The following PVT1 variants were observed in gnomAD, a reference collection of about 807,000 sequenced individuals.
PVT1 encodes the protein Pvt1 oncogene.
chr8:127,956,763 G>A (rs565495637), intron 3 of PVT1, among the ~76,000 whole-genome samples: 43 of 152,362 alleles, frequency 2.8e-4, no homozygotes, highest in South Asian at 6.2e-4. Flanking sequence ...GATTACAGGC[G>A]TGAGCCACTG....
intron 3 of PVT1, among the ~76,000 whole-genome samples, chr8:127,974,910 A>T (rs6470595): frequency 0.72 from 109,972 of 151,950 alleles, 40,001 homozygotes; most frequent in South Asian, 0.88. Flanking sequence ...ACTTTTTTTT[A>T]ATCCTAAAGC....
At chr8:128,087,741 G>A (rs1387565777) in intron 5 of PVT1, among the ~76,000 whole-genome samples, 2 of 137,784 alleles carry the variant, frequency 1.5e-5, no homozygotes, top group Non-Finnish European at 3.0e-5. Context: ...CATTCCTGAT[G>A]TGCTACTTTT....
At chr8:127,936,488 C>T (rs568201017) in intron 3 of PVT1, among the ~76,000 whole-genome samples, 2 of 152,274 alleles carry the variant, frequency 1.3e-5, no homozygotes, top group Non-Finnish European at 2.9e-5. Flanking sequence ...AAAGGTGGTG[C>T]TGGGTGTGGC....
intron 4 of PVT1, among the ~76,000 whole-genome samples, chr8:128,043,767 A>G (rs539068933): frequency 4.0e-3 from 472 of 117,142 alleles, no homozygotes; most frequent in African/African-American, 0.015. Flanking sequence ...TTCCCAAACT[A>G]TTTCCTACAC....
intron 2 of PVT1, among the ~76,000 whole-genome samples, chr8:127,828,181 C>T (rs1814812469): frequency 1.3e-5 from 2 of 152,134 alleles, no homozygotes; most frequent in South Asian, 4.1e-4. Flanking sequence ...TTCAGTCAAG[C>T]CGAGCTGGCT....
intron 4 of PVT1, among the ~76,000 whole-genome samples, chr8:128,000,507 G>T (rs1817163032): frequency 6.6e-6 from 1 of 152,196 alleles, no homozygotes; most frequent in African/African-American, 2.4e-5. Context: ...CCTTGTGTAG[G>T]CCCAGTATAA....
intron 2 of PVT1, among the ~76,000 whole-genome samples, chr8:127,882,215 G>C (rs1017789769): frequency 6.6e-6 from 1 of 152,146 alleles, no homozygotes; most frequent in Non-Finnish European, 1.5e-5. Flanking sequence ...GCACTCGAAG[G>C]CTTGGGAATT....
chr8:127,860,023 A>G (rs373576153), intron 2 of PVT1, among the ~76,000 whole-genome samples: 2 of 152,238 alleles, frequency 1.3e-5, no homozygotes, highest in East Asian at 1.9e-4. Context: ...CTCCTTTCAC[A>G]CGGACCCCGT....
intron 3 of PVT1, among the ~76,000 whole-genome samples, chr8:127,958,400 C>A (rs760026375): frequency 1.3e-5 from 2 of 152,082 alleles, no homozygotes; most frequent in Admixed American, 6.6e-5. Flanking sequence ...CCGCCATGCC[C>A]AGTTAATTTT....
Position 127,805,527 on chromosome 8 carries a change from A to G in PVT1, n.372+9456A>G, listed in dbSNP as rs1814516889. Among the ~76,000 whole-genome samples the G allele has an allele frequency of 2.6e-5, 4 of 152,284 alleles. No homozygotes were observed. In the South Asian group the frequency reaches 8.3e-4, roughly 32 times the overall value. On this transcript the variant is annotated intron_variant and non_coding_transcript_variant, in intron 2 of 10. Coordinates refer to ENST00000651587, the Ensembl canonical transcript of PVT1. ...TTTTTGCTGTCCGTGATGCACTAAC[A>G]TGTCATTAACATGTATGTACAGTGT...
chr8:127,952,826 G>A (rs1194209212), intron 3 of PVT1, among the ~76,000 whole-genome samples: 8 of 151,490 alleles, frequency 5.3e-5, no homozygotes, highest in Middle Eastern at 3.5e-3. Flanking sequence ...GTGCAAAGGC[G>A]CGATCTCAGC....
At chr8:127,960,753 G>A (rs1196871099) in intron 3 of PVT1, 3 of 473,856 alleles carry the variant, frequency 6.3e-6, no homozygotes, top group Admixed American at 2.5e-5. Context: ...TTTTTTGTGG[G>A]GAGAGAGTAT....
chr8:127,882,184 G>A (rs1320225416), intron 2 of PVT1, among the ~76,000 whole-genome samples: 3 of 152,122 alleles, frequency 2.0e-5, no homozygotes, highest in South Asian at 2.1e-4. Context: ...ATGAGGAATC[G>A]GGTGAGTGTG....
At chr8:127,802,918 A>G (rs1814481777) in intron 2 of PVT1, among the ~76,000 whole-genome samples, 1 of 152,002 alleles carries the variant, frequency 6.6e-6, no homozygotes, top group Admixed American at 6.6e-5. Context: ...GGGAAGGAAG[A>G]CACTGGGGTG....
chr8:128,058,756 C>T (rs531971965), intron 4 of PVT1, among the ~76,000 whole-genome samples: 9 of 152,172 alleles, frequency 5.9e-5, no homozygotes, highest in Non-Finnish European at 1.0e-4. Context: ...ATTGAGGTTG[C>T]GGAGTTTCCT....
At chr8:128,026,017 T>C (rs1294017851) in intron 4 of PVT1, among the ~76,000 whole-genome samples, 1 of 152,086 alleles carries the variant, frequency 6.6e-6, no homozygotes, top group East Asian at 1.9e-4. Flanking sequence ...AATGTTGTGA[T>C]CTCAGCTCAC....
chr8:127,959,228 A>G (rs1189354248), intron 3 of PVT1, among the ~76,000 whole-genome samples: 1 of 152,196 alleles, frequency 6.6e-6, no homozygotes, highest in Non-Finnish European at 1.5e-5. Context: ...TTATCCACGC[A>G]TTTAGTGGGC....
chr8:127,922,324 C>T (rs964926121), intron 3 of PVT1, among the ~76,000 whole-genome samples: 2 of 135,010 alleles, frequency 1.5e-5, no homozygotes, highest in African/African-American at 5.5e-5. Context: ...AAAGTCACCC[C>T]AGATCACAGC....
chr8:127,840,113 T>A (rs1814957171), intron 2 of PVT1, among the ~76,000 whole-genome samples: 1 of 152,084 alleles, frequency 6.6e-6, no homozygotes, highest in Non-Finnish European at 1.5e-5. Context: ...GGGTAGAAGG[T>A]GAAGTCAGAG....
Sources: allele counts gnomAD v4.1 joint callset (sites outside exome capture counted in the v4.1 genomes callset), GRCh38; gene constraint gnomAD v4.1.1; transcripts MANE v1.5; gene names NCBI Gene and HGNC (gene_info 2026-07-23, HGNC 2026-07-21).